ELOVL6: variants seen among roughly 807,000 people sequenced by gnomAD.
ELOVL6 encodes the protein ELOVL fatty acid elongase 6.
In ELOVL6, 8 loss-of-function variants were observed where a neutral mutation model predicts 31.7. The observed-to-expected ratio is 0.25, with a 90% CI of 0.15 to 0.45. The LOEUF (loss-of-function observed/expected upper bound fraction) is 0.45. Among genes scored for constraint, ELOVL6 ranks in the 20% least tolerant of loss-of-function variants. The pLI is 1.00. For synonymous variants in ELOVL6, 101 were observed against 117.7 expected (o/e 0.86, Z 0.92); for missense variants, 126 against 326.4 (o/e 0.39, Z 4.73).
intron 2 of ELOVL6, among the ~76,000 whole-genome samples, chr4:110,084,103 A>C (rs111205441): frequency 0.035 from 2,911 of 84,192 alleles, 275 homozygotes; most frequent in Non-Finnish European, 0.047. Context: ...CATATATATG[A>C]TATATATGAT....
At chr4:110,103,054 T>G (rs550296366) in intron 2 of ELOVL6, among the ~76,000 whole-genome samples, 17 of 152,330 alleles carry the variant, frequency 1.1e-4, no homozygotes, top group African/African-American at 3.4e-4. Flanking sequence ...TTTCCACTTT[T>G]GCTTCTTCCT....
Position 110,158,171 on chromosome 4 carries a change from A to G in ELOVL6, c.89+40076T>C, listed in dbSNP as rs1404455313. On this transcript the variant is annotated intron_variant, in intron 1 of 3. Coordinates refer to ENST00000302274, the MANE Select transcript of ELOVL6 (RefSeq NM_024090.3). ...ACATGTTATTAACAAAAATCCAAAC[A>G]TACTATACAACCCTATTCTGCTTTA... 2.0e-5 allele frequency among the ~76,000 whole-genome samples: 3 copies of G among 152,186 alleles called. No homozygotes were observed. In the East Asian group the frequency reaches 5.8e-4, roughly 29 times the overall value.
At chr4:110,155,868 G>A (rs1455857069) in intron 1 of ELOVL6, among the ~76,000 whole-genome samples, 1 of 152,086 alleles carries the variant, frequency 6.6e-6, no homozygotes, top group Non-Finnish European at 1.5e-5. Context: ...GATTATAAAA[G>A]GTTCCCAGAC....
rs1404864841 is a variant in ELOVL6 at position 110,084,057 on chromosome 4, G to T, written c.221+21440C>A. Among the ~76,000 whole-genome samples the T allele has an allele frequency of 8.0e-3, 151 of 18,878 alleles. 2 individuals carry two copies. The highest frequency in any genetic ancestry group is 0.033 in the Middle Eastern group (1 of 30). 12.4% of individuals were successfully genotyped at this position (18,878 alleles called of 152,430 possible). A position where few individuals can be genotyped will look rare whatever the true frequency, so the allele number is the denominator to read the frequency against. ...ATGGTATATAACACATGCTATATAT[G>T]ATATATAACATATATATGCTATATA... is the stretch of plus-strand genomic sequence containing the variant. On this transcript the variant is annotated intron_variant, in intron 2 of 3. Coordinates refer to ENST00000302274, the MANE Select transcript of ELOVL6 (RefSeq NM_024090.3).
intron 1 of ELOVL6, among the ~76,000 whole-genome samples, chr4:110,129,973 C>A (rs1430854871): frequency 2.1e-5 from 3 of 141,402 alleles, no homozygotes; most frequent in African/African-American, 5.3e-5. Flanking sequence ...TCTTGACTCA[C>A]TGCAGCCTCT....
rs1756866926 is a variant in ELOVL6, at chr4:110,105,661, T to G, written c.90-33A>C. 6.3e-6 allele frequency: 10 copies of G among 1,597,344 alleles called. No individual in the cohort carries two copies. The South Asian group carries it at 1.0e-4, about 16-fold the overall frequency. On this transcript the variant is annotated intron_variant, in intron 1 of 3. Transcript: ENST00000302274. Reference sequence around the variant, plus strand: ...CAAGCAAACAAAATCTTTAAGATATTTTTAGTCATTAGGAAACACCAAATT... The same window carrying G: ...CAAGCAAACAAAATCTTTAAGATATGTTTAGTCATTAGGAAACACCAAATT...
At chr4:110,076,312 C>T (rs1755629747) in intron 2 of ELOVL6, among the ~76,000 whole-genome samples, 1 of 152,136 alleles carries the variant, frequency 6.6e-6, no homozygotes, top group African/African-American at 2.4e-5. Flanking sequence ...CAGCTGAAAC[C>T]AGAACTATTC....
At chr4:110,069,901 C>G (rs1434315524) in intron 2 of ELOVL6, among the ~76,000 whole-genome samples, 1 of 152,040 alleles carries the variant, frequency 6.6e-6, no homozygotes, top group Non-Finnish European at 1.5e-5. Flanking sequence ...CTTTGGAGAC[C>G]CCACCGTGCA....
intron 2 of ELOVL6, among the ~76,000 whole-genome samples, chr4:110,101,088 G>A (rs1388756229): frequency 6.6e-6 from 1 of 152,174 alleles, no homozygotes; most frequent in Non-Finnish European, 1.5e-5. Context: ...AGTCCAGGCT[G>A]GAGTGCAGTG....
intron 2 of ELOVL6, among the ~76,000 whole-genome samples, chr4:110,089,194 A>G (rs1162644342): frequency 5.3e-5 from 8 of 152,200 alleles, no homozygotes; most frequent in Admixed American, 3.9e-4. Flanking sequence ...ATTAATAATG[A>G]AATAGAAGCT....
chr4:110,109,389 GAA>G (rs1756969596), intron 1 of ELOVL6, among the ~76,000 whole-genome samples: 1 of 152,098 alleles, frequency 6.6e-6, no homozygotes, highest in Admixed American at 6.6e-5. Flanking sequence ...CAACCCAAAT[GAA>G]ATACTGATGT....
intron 3 of ELOVL6, among the ~76,000 whole-genome samples, chr4:110,055,625 G>A (rs1326415059): frequency 6.6e-6 from 1 of 152,096 alleles, no homozygotes. Context: ...TGGCCACCAA[G>A]AGACACAGAG....
At position 110,051,692 on chromosome 4, in the gene ELOVL6, C is replaced by T. The variant is rs765610116; in HGVS notation, c.444G>A (p.Val148=). 7 of 1,614,150 alleles carry T rather than the reference C, an allele frequency of 4.3e-6. No individual in the cohort carries two copies. Among genetic ancestry groups the T allele is most frequent in the South Asian group, 1.1e-5 (1 of 91,076 alleles). Residue 148 remains valine, a synonymous_variant, in exon 4 of 4, where the codon GTG becomes GTA. Coordinates refer to ENST00000302274, the MANE Select transcript of ELOVL6 (RefSeq NM_024090.3). The surrounding 1 kb of genome is among the most constrained non-coding windows in gnomAD (Gnocchi z 4.8). ...TGTAGGAGTACCAAGAGTACAGGAG[C>T]ACAGTGATGTGGTGATACCAGTGCA... ...IFLHWYHHIT[V]LLYSWYSYKD...
chr4:110,176,301 T>G (rs1350757557), intron 1 of ELOVL6, among the ~76,000 whole-genome samples: 2 of 152,080 alleles, frequency 1.3e-5, no homozygotes, highest in Non-Finnish European at 2.9e-5. Flanking sequence ...TAGCTGGGAC[T>G]ACAGGCACAT....
At chr4:110,131,262 T>C (rs1470445067) in intron 1 of ELOVL6, among the ~76,000 whole-genome samples, 1 of 152,210 alleles carries the variant, frequency 6.6e-6, no homozygotes, top group East Asian at 1.9e-4. Context: ...GAGTTTGGGA[T>C]GCTGAAATCC....
intron 2 of ELOVL6, among the ~76,000 whole-genome samples, chr4:110,084,333 ATC>A (rs1756104975): frequency 1.3e-5 from 1 of 76,820 alleles, no homozygotes; most frequent in African/African-American, 8.6e-5. Flanking sequence ...TTTGATATAT[ATC>A]ACATATATGA....
At chr4:110,113,227 C>CAAAAAAA (rs754003099) in intron 1 of ELOVL6, among the ~76,000 whole-genome samples, 1 of 107,494 alleles carries the variant, frequency 9.3e-6, no homozygotes, top group Non-Finnish European at 1.9e-5. Flanking sequence ...GACTCCGTCT[C>CAAAAAAA]AAAAAAAAAA....
chr4:110,062,775 A>G (rs1755183504), intron 2 of ELOVL6, among the ~76,000 whole-genome samples: 1 of 152,228 alleles, frequency 6.6e-6, no homozygotes, highest in Admixed American at 6.5e-5. Flanking sequence ...CACTGTCAAT[A>G]GATTAGAGTT....
At chr4:110,196,957 G>A (rs1255344323) in intron 1 of ELOVL6, among the ~76,000 whole-genome samples, 8 of 152,204 alleles carry the variant, frequency 5.3e-5, no homozygotes, top group Non-Finnish European at 1.2e-4. Flanking sequence ...AGGACAGGAA[G>A]TTGAAACCCC....
Sources: gnomAD v4.1 joint callset for allele counts (sites outside exome capture counted in the v4.1 genomes callset) on GRCh38, gnomAD v4.1.1 for gene constraint, Gnocchi (gnomAD v3.1) non-coding constraint, MANE v1.5 for transcripts, NCBI Gene and HGNC (gene_info 2026-07-23, HGNC 2026-07-21) for gene names.